The following CEP70 variants were observed in gnomAD, a reference collection of about 807,000 sequenced individuals.
CEP70 encodes the protein centrosomal protein 70.
Under a neutral mutation model 90.9 loss-of-function variants are expected in CEP70, and 70 were observed. That is an observed-to-expected ratio of 0.77 (90% CI 0.64 to 0.94). The LOEUF (loss-of-function observed/expected upper bound fraction) is 0.94, where lower values mean the gene tolerates loss of function less well. Among genes scored for constraint, CEP70 ranks in the 40% least tolerant of loss-of-function variants. The probability of loss-of-function intolerance (pLI) is 0.00; values close to 1 mark genes in which losing one functional copy is unlikely to be tolerated. For missense variants in CEP70, 648 were observed against 669.0 expected, an observed-to-expected ratio of 0.97 and a Z score of 0.35; for synonymous variants, 220 against 228.3, an observed-to-expected ratio of 0.96 and a Z score of 0.33.
intron 6 of CEP70, among the ~76,000 whole-genome samples, chr3:138,546,279 T>C (rs760589019): frequency 3.3e-5 from 5 of 151,984 alleles, no homozygotes; most frequent in Non-Finnish European, 7.4e-5. Flanking sequence ...CAGCAGAAAA[T>C]ATGTATAGCT....
At chr3:138,496,576 A>G (rs1322757056) in intron 17 of CEP70, 1 of 985,274 alleles carries the variant, frequency 1.0e-6, no homozygotes, top group Admixed American at 6.1e-5. Flanking sequence ...CGATATGGGA[A>G]TTTCCTCAGT....
chr3:138,521,794 G>A (rs1343795386), intron 11 of CEP70, among the ~76,000 whole-genome samples: 1 of 152,246 alleles, frequency 6.6e-6, no homozygotes, highest in Non-Finnish European at 1.5e-5. Flanking sequence ...GTACCCAACA[G>A]CTCATTGAGA....
At chr3:138,578,977 G>T (rs1423100364) in intron 2 of CEP70, among the ~76,000 whole-genome samples, 1 of 152,212 alleles carries the variant, frequency 6.6e-6, no homozygotes, top group African/African-American at 2.4e-5. Flanking sequence ...GCACCGAAGA[G>T]GGTAGGAAAG....
At chr3:138,528,949 G>A (rs1448594352) in intron 10 of CEP70, among the ~76,000 whole-genome samples, 3 of 152,062 alleles carry the variant, frequency 2.0e-5, no homozygotes, top group African/African-American at 4.8e-5. Flanking sequence ...CTGAGATCGC[G>A]CCACTGCACT....
chr3:138,506,099 A>C (rs1286428845), intron 12 of CEP70, among the ~76,000 whole-genome samples: 1 of 152,210 alleles, frequency 6.6e-6, no homozygotes, highest in Non-Finnish European at 1.5e-5. Flanking sequence ...GAAACTCTTC[A>C]CCCTCAAATA....
At chr3:138,497,046 C>G (rs747923309) in intron 17 of CEP70, 2 of 1,029,402 alleles carry the variant, frequency 1.9e-6, no homozygotes, top group Non-Finnish European at 2.3e-6. Flanking sequence ...AGACAACACA[C>G]TTATACAGTT....
chr3:138,518,642 TAACA>T (rs1197494381), intron 11 of CEP70, among the ~76,000 whole-genome samples: 1 of 152,062 alleles, frequency 6.6e-6, no homozygotes, highest in African/African-American at 2.4e-5. Context: ...GAAGGAAAAC[TAACA>T]AACAGGAAGG....
chr3:138,588,999 T>G (rs1228627978), intron 2 of CEP70, among the ~76,000 whole-genome samples: 1 of 152,066 alleles, frequency 6.6e-6, no homozygotes, highest in East Asian at 1.9e-4. Flanking sequence ...TATATAAAAC[T>G]CTAGAAAATG....
intron 14 of CEP70, 26 bp downstream of exon 14, chr3:138,500,708 GA>G: frequency 6.4e-7 from 1 of 1,553,400 alleles, no homozygotes; most frequent in Non-Finnish European, 8.7e-7. Flanking sequence ...AGAAACATTA[GA>G]AGGTGACCGT....
chr3:138,529,081 G>C (rs1334217943), intron 10 of CEP70, 118 bp downstream of exon 10: 2 of 600,738 alleles, frequency 3.3e-6, no homozygotes, highest in African/African-American at 3.8e-5. Flanking sequence ...TGGAAAGATT[G>C]CTTGAGCCCT....
chr3:138,498,915 G>A (rs1366092848), intron 16 of CEP70, among the ~76,000 whole-genome samples: 3 of 151,702 alleles, frequency 2.0e-5, no homozygotes, highest in Non-Finnish European at 4.4e-5. Flanking sequence ...GTGTGGTAGC[G>A]CATGCCTGTA....
intron 6 of CEP70, among the ~76,000 whole-genome samples, chr3:138,540,193 A>G (rs1030900282): frequency 6.6e-6 from 1 of 152,094 alleles, no homozygotes; most frequent in Non-Finnish European, 1.5e-5. Flanking sequence ...GCCAACAAGC[A>G]TATTAAAAAA....
At chr3:138,502,734 G>T (rs1373494128) in intron 13 of CEP70, among the ~76,000 whole-genome samples, 2 of 152,178 alleles carry the variant, frequency 1.3e-5, no homozygotes, top group African/African-American at 4.8e-5. Context: ...CAGGATGGTT[G>T]TAGCACAGTC....
At chr3:138,558,012 T>A (rs1270767088) in intron 6 of CEP70, among the ~76,000 whole-genome samples, 1 of 152,152 alleles carries the variant, frequency 6.6e-6, no homozygotes, top group Non-Finnish European at 1.5e-5. Context: ...AAAAAATTTT[T>A]AAATCTGTTT....
chr3:138,495,467 G>A (rs532955214), intron 17 of CEP70, among the ~76,000 whole-genome samples: 99 of 152,292 alleles, frequency 6.5e-4, no homozygotes, highest in African/African-American at 2.1e-3. Context: ...AGGTCTCCAC[G>A]TGAGGACTTA....
At chr3:138,530,829 C>G (rs1455668333) in intron 8 of CEP70, 1 of 983,488 alleles carries the variant, frequency 1.0e-6, no homozygotes, top group African/African-American at 1.8e-5. Context: ...ATCTCAAAAT[C>G]TATCCTGAAA....
At chr3:138,533,780 GT>G (rs923769600) in intron 7 of CEP70, among the ~76,000 whole-genome samples, 3 of 150,532 alleles carry the variant, frequency 2.0e-5, no homozygotes, top group Admixed American at 6.6e-5. Context: ...TTTATTTTTT[GT>G]TTTTTTTTGT....
At chr3:138,535,342 T>G (rs541976487) in intron 7 of CEP70, among the ~76,000 whole-genome samples, 4 of 152,314 alleles carry the variant, frequency 2.6e-5, no homozygotes, top group Non-Finnish European at 4.4e-5. Flanking sequence ...TACCTTTCAC[T>G]AATTTCTCCC....
chr3:138,549,320 C>T (rs1465905907), intron 6 of CEP70, among the ~76,000 whole-genome samples: 1 of 151,796 alleles, frequency 6.6e-6, no homozygotes, highest in African/African-American at 2.4e-5. Context: ...CTCAGCTCTG[C>T]TCACTCACTG....
Sources: allele counts gnomAD v4.1 joint callset (sites outside exome capture counted in the v4.1 genomes callset), GRCh38; gene constraint gnomAD v4.1.1; transcripts MANE v1.5; gene names NCBI Gene and HGNC (gene_info 2026-07-23, HGNC 2026-07-21).